PXDNL: variants seen among roughly 807,000 people sequenced by gnomAD.
PXDNL encodes the protein probable oxidoreductase PXDNL.
A neutral mutation model predicts 150.8 loss-of-function variants in PXDNL; 145 were observed. The ratio of observed to expected loss-of-function variants is 0.96; its 90% CI spans 0.84 to 1.10. The LOEUF is 1.10. PXDNL is among the 50% of genes least tolerant of loss of function. PXDNL has a pLI of 0.00. For synonymous variants in PXDNL, 757 were observed against 725.7 expected (o/e 1.04, Z -0.69); for missense variants, 2,087 against 1,873.9 (o/e 1.11, Z -2.10).
chr8:51,708,605 C>G (rs1434692190), intron 1 of PXDNL, among the ~76,000 whole-genome samples: 2 of 152,112 alleles, frequency 1.3e-5, no homozygotes, highest in East Asian at 1.9e-4. Context: ...ATATAAAAAT[C>G]AGAGAGCTCA....
At position 51,804,385 on chromosome 8, in the gene PXDNL, A is replaced by C. The variant is rs554557712; in HGVS notation, c.164+4796T>G. ...CTTGACCTTTCCCTTTAGCTTAGTG[A>C]TTTTTGGGGACCCAAGATTTATTTT... On this transcript the variant is annotated intron_variant, in intron 1 of 22. Coordinates refer to ENST00000356297, the MANE Select transcript of PXDNL (RefSeq NM_144651.5). Among the ~76,000 whole-genome samples, 45 of 152,176 alleles carry C rather than the reference A, an allele frequency of 3.0e-4. 1 individual carries two copies. The South Asian group carries it at 9.3e-3, about 32-fold the overall frequency.
intron 4 of PXDNL, among the ~76,000 whole-genome samples, chr8:51,506,540 CAAAAAAAAAA>C (rs11312240): frequency 1.0e-4 from 7 of 67,502 alleles, no homozygotes; most frequent in African/African-American, 7.4e-5. Context: ...GACTCTGTCT[CAAAAAAAAAA>C]AAAAAAAAAA....
chr8:51,445,477 C>G (rs761767181), intron 12 of PXDNL, among the ~76,000 whole-genome samples: 1 of 152,190 alleles, frequency 6.6e-6, no homozygotes, highest in Non-Finnish European at 1.5e-5. Flanking sequence ...GTAGATTTAT[C>G]AAATTCTTCT....
intron 17 of PXDNL, among the ~76,000 whole-genome samples, chr8:51,380,144 CA>C (rs1293453803): frequency 6.7e-6 from 1 of 149,548 alleles, no homozygotes; most frequent in Middle Eastern, 3.4e-3. Flanking sequence ...AAAAAAATAA[CA>C]AAAAAACTCA....
intron 1 of PXDNL, among the ~76,000 whole-genome samples, chr8:51,688,960 G>A (rs547768481): frequency 3.6e-4 from 55 of 152,320 alleles, no homozygotes; most frequent in African/African-American, 1.3e-3. Flanking sequence ...TGTAAATGAG[G>A]AAGTTCAGAC....
intron 1 of PXDNL, among the ~76,000 whole-genome samples, chr8:51,750,396 G>A (rs892686308): frequency 7.2e-5 from 11 of 152,148 alleles, no homozygotes; most frequent in Admixed American, 2.0e-4. Context: ...TGAAGGACCT[G>A]TCTGAGGTTC....
chr8:51,347,610 G>A (rs1404152618), intron 19 of PXDNL, among the ~76,000 whole-genome samples: 1 of 152,068 alleles, frequency 6.6e-6, no homozygotes, highest in African/African-American at 2.4e-5. Flanking sequence ...TTCTTATAAG[G>A]TTTACAAGTT....
intron 4 of PXDNL, among the ~76,000 whole-genome samples, chr8:51,535,084 G>T (rs1197020838): frequency 8.5e-6 from 1 of 117,320 alleles, no homozygotes; most frequent in Non-Finnish European, 1.7e-5. Flanking sequence ...GCCCCGTCCG[G>T]GAGGGTGGTG....
chr8:51,590,960 G>A (rs1813431020), intron 3 of PXDNL, among the ~76,000 whole-genome samples: 2 of 152,178 alleles, frequency 1.3e-5, no homozygotes, highest in South Asian at 4.1e-4. Flanking sequence ...TTAAATGTTT[G>A]TTTCCTCTAA....
chr8:51,356,107 C>T (rs1294722112), intron 19 of PXDNL, among the ~76,000 whole-genome samples: 1 of 152,192 alleles, frequency 6.6e-6, no homozygotes, highest in East Asian at 1.9e-4. Context: ...ACCTTTCCAA[C>T]TTTTGCTTCC....
chr8:51,659,618 C>T (rs1043577599), intron 1 of PXDNL, among the ~76,000 whole-genome samples: 1 of 152,110 alleles, frequency 6.6e-6, no homozygotes, highest in African/African-American at 2.4e-5. Flanking sequence ...TAACAGTGCA[C>T]ACCAGACTCA....
chr8:51,761,176 A>G (rs2130998167), intron 1 of PXDNL, among the ~76,000 whole-genome samples: 1 of 151,908 alleles, frequency 6.6e-6, no homozygotes, highest in East Asian at 1.9e-4. Context: ...GCCGGCCTGA[A>G]ATCACTTAAA....
At chr8:51,665,022 G>T (rs754571294) in intron 1 of PXDNL, among the ~76,000 whole-genome samples, 26 of 152,196 alleles carry the variant, frequency 1.7e-4, no homozygotes, top group Non-Finnish European at 3.4e-4. Context: ...GTCAGGAGAC[G>T]CACAGATGGT....
At chr8:51,696,550 A>C (rs1006336314) in intron 1 of PXDNL, among the ~76,000 whole-genome samples, 8 of 150,894 alleles carry the variant, frequency 5.3e-5, no homozygotes, top group African/African-American at 2.0e-4. Flanking sequence ...GCAGAGCAGG[A>C]TGTAGGAACC....
At chr8:51,549,693 G>A (rs1406431454) in intron 4 of PXDNL, among the ~76,000 whole-genome samples, 1 of 151,908 alleles carries the variant, frequency 6.6e-6, no homozygotes, top group African/African-American at 2.4e-5. Context: ...GTTCTAAGAG[G>A]AAAGTTCATA....
rs572266146 is a variant in PXDNL, at chr8:51,597,632, T to C, written c.237-4934A>G. On this transcript the variant is annotated intron_variant, in intron 2 of 22. Coordinates refer to ENST00000356297, the MANE Select transcript of PXDNL (RefSeq NM_144651.5). ...TGTAGAGGTCTTTCACTTCCTTTGT[T>C]AGATATATCTCTAAGTATTTGTGTG... Among the ~76,000 whole-genome samples, 4 of 151,826 alleles carry C rather than the reference T, an allele frequency of 2.6e-5. No individual in the cohort carries two copies. In the South Asian group the frequency reaches 8.3e-4, roughly 32 times the overall value.
chr8:51,408,142 T>G lies in PXDNL; in HGVS notation c.3482A>C (p.Asn1161Thr). Reference sequence around the variant, plus strand: ...CTCAAAGTTCTTAACTGAAGTCAAATTACAGAAAACTCTGAAGTCAACATA... The same window carrying G: ...CTCAAAGTTCTTAACTGAAGTCAAAGTACAGAAAACTCTGAAGTCAACATA... ...PPYVDFRVFC[N>T]LTSVKNFEDL... Residue 1161 changes from asparagine (N) to threonine (T), a missense_variant, in exon 17 of 23, where the codon AAT (asparagine) becomes ACT (threonine). Transcript: ENST00000356297. 6.2e-7 allele frequency: 1 copy of G among 1,613,510 alleles called. No individual in the cohort carries two copies.
chr8:51,739,732 T>C (rs1270465107), intron 1 of PXDNL, among the ~76,000 whole-genome samples: 1 of 151,822 alleles, frequency 6.6e-6, no homozygotes, highest in African/African-American at 2.4e-5. Flanking sequence ...AAAAATTAGC[T>C]GGGCATGGTG....
At chr8:51,698,989 G>A (rs752386267) in intron 1 of PXDNL, among the ~76,000 whole-genome samples, 28 of 152,094 alleles carry the variant, frequency 1.8e-4, no homozygotes, top group Non-Finnish European at 3.8e-4. Context: ...TAAACCTTGC[G>A]GTAAAGAAAT....
Sources: gnomAD v4.1 joint callset for allele counts (sites outside exome capture counted in the v4.1 genomes callset) on GRCh38, gnomAD v4.1.1 for gene constraint, MANE v1.5 for transcripts, NCBI Gene and HGNC (gene_info 2026-07-23, HGNC 2026-07-21) for gene names.